Variants in CNTNAP2 observed in about 807,000 individuals in gnomAD.
CNTNAP2 encodes contactin associated protein 2, also known as contactin-associated protein-like 2.
CNTNAP2 carries 98 observed loss-of-function variants against 155.2 expected under a neutral mutation model. The ratio of observed to expected loss-of-function variants is 0.63; its 90% CI spans 0.54 to 0.75. CNTNAP2 has a LOEUF of 0.75. Ranked by LOEUF, CNTNAP2 falls within the 30% of genes least tolerant of loss-of-function variation. The pLI, the probability that CNTNAP2 is intolerant of heterozygous loss-of-function variation, is 0.00. For missense variants in CNTNAP2, 1,727 were observed against 1,688.1 expected (o/e 1.02, Z -0.40); for synonymous variants, 651 against 631.2 (o/e 1.03, Z -0.47).
At chr7:147,579,805 A>T (rs770799916) in intron 12 of CNTNAP2, among the ~76,000 whole-genome samples, 18 of 152,156 alleles carry the variant, frequency 1.2e-4, no homozygotes, top group Non-Finnish European at 2.2e-4. Flanking sequence ...ATCATAATGC[A>T]ATATCATATG....
rs565471312 is a variant in CNTNAP2, at chr7:146,229,107, C to G, written c.97+112134C>G. On this transcript the variant is annotated intron_variant, in intron 1 of 23. Transcript: ENST00000361727. Reference sequence around the variant, plus strand: ...CTTGGTAGGTTTTCTTAAAGAAAAACAAAAAAGAGTAGCAAATTGGAACCT... The same window carrying G: ...CTTGGTAGGTTTTCTTAAAGAAAAAGAAAAAAGAGTAGCAAATTGGAACCT... Among the ~76,000 whole-genome samples the G allele has an allele frequency of 2.6e-5, 4 of 151,888 alleles. No individual in the cohort carries two copies. The East Asian group carries it at 5.8e-4, about 22-fold the overall frequency.
intron 3 of CNTNAP2, among the ~76,000 whole-genome samples, chr7:146,863,705 G>A (rs1008477756): frequency 1.3e-5 from 2 of 152,026 alleles, no homozygotes; most frequent in African/African-American, 4.8e-5. Context: ...AATCAAAGAA[G>A]CTTTTCTGAG....
intron 15 of CNTNAP2, among the ~76,000 whole-genome samples, chr7:148,100,858 C>T (rs10275759): frequency 0.094 from 14,281 of 152,052 alleles, 1,801 homozygotes; most frequent in African/African-American, 0.29. Flanking sequence ...CTATTCACAA[C>T]AGCAAAGACT....
At chr7:147,296,423 C>A (rs1013807375) in intron 8 of CNTNAP2, among the ~76,000 whole-genome samples, 2 of 152,158 alleles carry the variant, frequency 1.3e-5, no homozygotes, top group Admixed American at 1.3e-4. Flanking sequence ...TGACAGTTAA[C>A]TTCAAGAATA....
At chr7:147,891,007 T>C (rs1799681105) in intron 13 of CNTNAP2, among the ~76,000 whole-genome samples, 1 of 152,218 alleles carries the variant, frequency 6.6e-6, no homozygotes. Context: ...TCACAGTGCA[T>C]ACATATTTCA....
At chr7:147,749,586 G>C (rs1227749236) in intron 13 of CNTNAP2, among the ~76,000 whole-genome samples, 2 of 152,110 alleles carry the variant, frequency 1.3e-5, no homozygotes, top group South Asian at 2.1e-4. Flanking sequence ...TCCCAAAAAT[G>C]ATGATTTTTC....
intron 3 of CNTNAP2, among the ~76,000 whole-genome samples, chr7:146,909,869 T>C (rs1369917024): frequency 0.01 from 234 of 23,180 alleles, 9 homozygotes; most frequent in African/African-American, 0.033. Flanking sequence ...AAATTGTCCC[T>C]GTTTGCAGAC....
intron 18 of CNTNAP2, among the ~76,000 whole-genome samples, chr7:148,180,552 A>G (rs1795019448): frequency 6.6e-6 from 1 of 152,148 alleles, no homozygotes. Context: ...CTCAGAAGAA[A>G]AAAAAAACAA....
At chr7:146,349,198 G>T (rs1469191638) in intron 1 of CNTNAP2, among the ~76,000 whole-genome samples, 1 of 152,092 alleles carries the variant, frequency 6.6e-6, no homozygotes, top group African/African-American at 2.4e-5. Flanking sequence ...AATTCTATTC[G>T]CCAGAAATAA....
In CNTNAP2 at chr7:147,642,493, C is replaced by A. The variant is rs35757674; in HGVS notation, c.2098+3187C>A. ...CCCTCATTGACATTCCTTGTCTCTT[C>A]CCCTCGGCCACCGTGAAGCCTCACA... On this transcript the variant is annotated intron_variant, in intron 13 of 23. Transcript: ENST00000361727. 1.9e-3 allele frequency among the ~76,000 whole-genome samples: 293 copies of A among 152,132 alleles called. 10 individuals carry two copies. The East Asian group carries it at 0.055, about 29-fold the overall frequency.
intron 1 of CNTNAP2, among the ~76,000 whole-genome samples, chr7:146,552,314 C>G (rs1467109972): frequency 6.6e-6 from 1 of 152,142 alleles, no homozygotes; most frequent in Non-Finnish European, 1.5e-5. Context: ...TCAGTTTTCT[C>G]TGACTCAATA....
In CNTNAP2 at chr7:146,820,367, G is replaced by C. The variant is rs141037880; in HGVS notation, c.209-19344G>C. Among the ~76,000 whole-genome samples the C allele has an allele frequency of 7.7e-3, 1,165 of 152,196 alleles. 61 individuals carry two copies. The highest frequency in any genetic ancestry group is 0.067 in the Admixed American group (1,024 of 15,262). ...TTAGCAATTGAATATTTAATCTCTT[G>C]TTCCTGTAGTATATATAAGTAAATA... On this transcript the variant is annotated intron_variant, in intron 2 of 23. Coordinates refer to ENST00000361727, the MANE Select transcript of CNTNAP2 (RefSeq NM_014141.6).
intron 12 of CNTNAP2, among the ~76,000 whole-genome samples, chr7:147,608,507 T>G (rs12665923): frequency 0.68 from 103,552 of 151,794 alleles, 35,738 homozygotes; most frequent in African/African-American, 0.78. Context: ...TCACCGTGTT[T>G]CCCAGGCTGG....
chr7:146,586,826 G>A (rs1442236082), intron 1 of CNTNAP2, among the ~76,000 whole-genome samples: 1 of 152,136 alleles, frequency 6.6e-6, no homozygotes. Flanking sequence ...CTGGATCTTA[G>A]CCAGCCTAAC....
intron 1 of CNTNAP2, among the ~76,000 whole-genome samples, chr7:146,176,686 G>A (rs573161987): frequency 6.6e-5 from 10 of 152,196 alleles, no homozygotes; most frequent in Middle Eastern, 3.4e-3. Context: ...AGATTCAATA[G>A]AAATGATACG....
At chr7:146,117,063 A>C in intron 1 of CNTNAP2, 90 bp downstream of exon 1, 4 of 1,091,630 alleles carry the variant, frequency 3.7e-6, no homozygotes, top group Non-Finnish European at 5.5e-6. Flanking sequence ...AGTGCATCGC[A>C]GTGCTGGCAC....
At chr7:148,059,604 A>G (rs2707574) in intron 15 of CNTNAP2, among the ~76,000 whole-genome samples, 2,487 of 150,024 alleles carry the variant, frequency 0.017, 67 homozygotes, top group African/African-American at 0.057. Flanking sequence ...AAAAAAAAAA[A>G]AAAGAAAGAA....
At position 146,409,221 on chromosome 7, in the gene CNTNAP2, T is replaced by C. The variant is rs545454312; in HGVS notation, c.97+292248T>C. ...TTCTTCTCCAGAAAAATCAATACAG[T>C]ATTAAATATCTAAAGGTATAAGTCA... On this transcript the variant is annotated intron_variant, in intron 1 of 23. Coordinates refer to ENST00000361727, the MANE Select transcript of CNTNAP2 (RefSeq NM_014141.6). Among the ~76,000 whole-genome samples, 21 of 152,316 alleles carry C rather than the reference T, an allele frequency of 1.4e-4. No individual in the cohort carries two copies. In the East Asian group the frequency reaches 4.1e-3, roughly 29 times the overall value.
At chr7:146,152,557 A>G (rs1023762959) in intron 1 of CNTNAP2, among the ~76,000 whole-genome samples, 1 of 152,154 alleles carries the variant, frequency 6.6e-6, no homozygotes, top group Non-Finnish European at 1.5e-5. Context: ...GAAGTTATCC[A>G]TATGTTACCC....
Sources: gnomAD v4.1 joint callset for allele counts (sites outside exome capture counted in the v4.1 genomes callset) on GRCh38, gnomAD v4.1.1 for gene constraint, MANE v1.5 for transcripts, NCBI Gene and HGNC (gene_info 2026-07-23, HGNC 2026-07-21) for gene names.